APOBEC3B: variants seen among roughly 807,000 people sequenced by gnomAD.
The protein encoded by APOBEC3B is DNA dC->dU-editing enzyme APOBEC-3B.
In APOBEC3B, 29 loss-of-function variants were observed where a neutral mutation model predicts 53.4. The ratio of observed to expected loss-of-function variants is 0.54; its 90% CI spans 0.40 to 0.74. The LOEUF (loss-of-function observed/expected upper bound fraction) is 0.74, where lower values mean the gene tolerates loss of function less well. Among genes scored for constraint, APOBEC3B ranks in the 30% least tolerant of loss-of-function variants. APOBEC3B has a pLI of 0.00. For missense variants in APOBEC3B, 347 were observed against 496.2 expected (o/e 0.70, Z 2.86); for synonymous variants, 132 against 184.8 (o/e 0.71, Z 2.32).
Position 38,992,709 on chromosome 22 carries a change from G to T in APOBEC3B, c.*264G>T. On this transcript the variant is annotated 3_prime_UTR_variant, in exon 8 of 8. Transcript: ENST00000333467. ...GAATAGTTTTCAATGTATTAATGAA[G>T]TGATTAATTGGCTCCATATTTAGAC... is the stretch of plus-strand genomic sequence containing the variant. The T allele has an allele frequency of 5.3e-6, 5 of 938,428 alleles. No homozygotes were observed. The highest frequency in any genetic ancestry group is 1.8e-5 in the South Asian group (1 of 54,738). 58.1% of individuals were successfully genotyped at this position (938,428 alleles called of 1,614,324 possible). A position where few individuals can be genotyped will look rare whatever the true frequency, so the allele number is the denominator to read the frequency against.
chr22:38,987,036 GC>G (rs1923770174), intron 4 of APOBEC3B, among the ~76,000 whole-genome samples: 1 of 148,822 alleles, frequency 6.7e-6, no homozygotes, highest in Non-Finnish European at 1.5e-5. Flanking sequence ...AGTGAGGCTT[GC>G]ACTCAGATGG....
Position 38,982,466 on chromosome 22 carries a change from A to C in APOBEC3B, c.13A>C (p.Ile5Leu). 6.3e-6 allele frequency: 10 copies of C among 1,593,472 alleles called. 1 individual carries two copies. Among genetic ancestry groups the C allele is most frequent in the Non-Finnish European group, 8.5e-6 (10 of 1,172,560 alleles). The change falls in exon 1 of 8, where the codon ATC becomes CTC. Residue 5 changes from isoleucine (I) to leucine (L), a missense_variant. Ile to Leu is a conservative substitution (Grantham distance 5, BLOSUM62 2). This residue lies in a region of APOBEC3B where 73 missense variants were observed against 90.9 expected (regional missense o/e 0.80). Coordinates refer to ENST00000333467, the MANE Select transcript of APOBEC3B (RefSeq NM_004900.5). The part of the protein sequence containing the change: MNPQ[I>L]RNPMERMYRD... Reference sequence around the variant, plus strand: ...TAAGAGGCTGAACATGAATCCACAGATCAGGTACCGCTGCCCACTCTGCCT... The same window carrying C: ...TAAGAGGCTGAACATGAATCCACAGCTCAGGTACCGCTGCCCACTCTGCCT...
Position 38,982,389 on chromosome 22 carries a change from G to A in APOBEC3B, c.-65G>A, listed in dbSNP as rs1315379584. On this transcript the variant is annotated 5_prime_UTR_variant, in exon 1 of 8. Coordinates refer to ENST00000333467, the MANE Select transcript of APOBEC3B (RefSeq NM_004900.5). ...CCAACTGCAAGGACGCTGTAAGCAG[G>A]AAGTGAAACCACAGAGCTTCAAAAA... is the stretch of plus-strand genomic sequence containing the variant. 3 of 1,584,162 alleles carry A rather than the reference G, an allele frequency of 1.9e-6. No individual in the cohort carries two copies. Among genetic ancestry groups the A allele is most frequent in the East Asian group, 5.0e-5 (2 of 40,054 alleles).
intron 1 of APOBEC3B, among the ~76,000 whole-genome samples, chr22:38,982,820 T>C (rs1157060788): frequency 1.3e-5 from 2 of 148,856 alleles, no homozygotes; most frequent in East Asian, 2.2e-4. Context: ...CAAAGGGTAA[T>C]TGGAGCAATC....
chr22:38,986,203 T>C lies in APOBEC3B; in HGVS notation c.455-95T>C, dbSNP rs1309288612. On this transcript the variant is annotated intron_variant, in intron 3 of 7. Transcript: ENST00000333467. ...CCAGGGCAGCCTGCAGGGGTGGGAC[T>C]GGCACTGACTGCAACTGACAGCCAG... The C allele has an allele frequency of 3.8e-6, 6 of 1,582,810 alleles. 1 individual carries two copies. The highest frequency in any genetic ancestry group is 2.3e-5 in the South Asian group (2 of 86,270).
chr22:38,989,458 T>G lies in APOBEC3B; in HGVS notation c.571T>G (p.Tyr191Asp). The stretch of plus-strand genomic sequence containing the variant: ...GGTTTCCCCTGTCTTTGTCCACAGA[T>G]ACCTGATGGATCCAGACACATTCAC... ...LHRTLKEILR[Y>D]LMDPDTFTFN... The change falls in exon 5 of 8, where the codon TAC becomes GAC. Residue 191 changes from tyrosine to aspartate, a missense_variant and splice_region_variant. Around this residue, in one of 5 missense-constraint regions of APOBEC3B, gnomAD observed 156 missense variants for 166.7 expected, o/e 0.94. Coordinates refer to ENST00000333467, the MANE Select transcript of APOBEC3B (RefSeq NM_004900.5). 1.3e-6 allele frequency: 2 copies of G among 1,565,694 alleles called. 1 individual carries two copies. Among genetic ancestry groups the G allele is most frequent in the Non-Finnish European group, 1.7e-6 (2 of 1,151,848 alleles).
In APOBEC3B at chr22:38,992,705, T is replaced by G; in HGVS notation, c.*260T>G. On this transcript the variant is annotated 3_prime_UTR_variant, in exon 8 of 8. Coordinates refer to ENST00000333467, the MANE Select transcript of APOBEC3B (RefSeq NM_004900.5). Reference sequence around the variant, plus strand: ...CCCAGAATAGTTTTCAATGTATTAATGAAGTGATTAATTGGCTCCATATTT... The same window carrying G: ...CCCAGAATAGTTTTCAATGTATTAAGGAAGTGATTAATTGGCTCCATATTT... 1 of 1,008,562 alleles carries G rather than the reference T, an allele frequency of 9.9e-7. No homozygotes were observed. The highest frequency in any genetic ancestry group is 1.4e-6 in the Non-Finnish European group (1 of 702,068). The allele number at this position is 1,008,562 out of a possible 1,614,324, so 62.5% of individuals were successfully genotyped here.
chr22:38,985,981 C>A lies in APOBEC3B; in HGVS notation c.344C>A (p.Thr115Asn). ...AEFLSEHPNVTLTISAARLYY... is the reference protein window; with the variant it reads ...AEFLSEHPNVNLTISAARLYY... ...TTCCTGTCTGAGCACCCCAATGTCA[C>A]CCTGACCATCTCTGCCGCCCGCCTC... The change falls in exon 3 of 8, where the codon ACC becomes AAC. Residue 115 changes from threonine to asparagine, a missense_variant. Thr to Asn is a moderately conservative substitution (Grantham distance 65, BLOSUM62 0). This residue lies in a region of APOBEC3B where 156 missense variants were observed against 166.7 expected (regional missense o/e 0.94). Coordinates refer to ENST00000333467, the MANE Select transcript of APOBEC3B (RefSeq NM_004900.5). The A allele has an allele frequency of 6.3e-7, 1 of 1,596,728 alleles. No individual in the cohort carries two copies. The highest frequency in any genetic ancestry group is 8.5e-7 in the Non-Finnish European group (1 of 1,173,832).
At position 38,986,285 on chromosome 22, in the gene APOBEC3B, T is replaced by C; in HGVS notation, c.455-13T>C. The stretch of plus-strand genomic sequence containing the variant: ...AGGGGAGAGCCTGACTGCTTCCCGC[T>C]TCTTCATCTCAGAATTTGCATACTG... On this transcript the variant is annotated splice_polypyrimidine_tract_variant and intron_variant, in intron 3 of 7. Transcript: ENST00000333467. 5 of 1,592,396 alleles carry C rather than the reference T, an allele frequency of 3.1e-6. No individual in the cohort carries two copies. The highest frequency in any genetic ancestry group is 4.3e-6 in the Non-Finnish European group (5 of 1,171,592).
chr22:38,988,681 TTC>T (rs58110435), intron 4 of APOBEC3B, among the ~76,000 whole-genome samples: 4 of 63,626 alleles, frequency 6.3e-5, no homozygotes, highest in East Asian at 1.0e-3. Context: ...CTTTCTCTCT[TTC>T]TCTTTCTTTC....
chr22:38,992,094 A>T lies in APOBEC3B; in HGVS notation c.1079A>T (p.Asp360Val). The change falls in exon 7 of 8, where the codon GAT becomes GTT. Residue 360 changes from aspartate (D) to valine (V), a missense_variant. By Grantham distance (152) the Asp-to-Val change is radical (BLOSUM62 -3). Around this residue, in one of 5 missense-constraint regions of APOBEC3B, gnomAD observed 78 missense variants for 103.9 expected, o/e 0.75. Coordinates refer to ENST00000333467, the MANE Select transcript of APOBEC3B (RefSeq NM_004900.5). ...YRQGCPFQPW[D>V]GLEEHSQALS... Reference sequence around the variant, plus strand: ...CAGGGATGTCCCTTCCAGCCCTGGGATGGACTAGAGGAGCACAGCCAAGCC... The same window carrying T: ...CAGGGATGTCCCTTCCAGCCCTGGGTTGGACTAGAGGAGCACAGCCAAGCC... The T allele has an allele frequency of 6.3e-7, 1 of 1,592,302 alleles. No individual in the cohort carries two copies.
rs1487165687 is a variant in APOBEC3B at position 38,983,145 on chromosome 22, C to T, written c.17+675C>T. On this transcript the variant is annotated intron_variant, in intron 1 of 7. Transcript: ENST00000333467. ...CAACCTGGCCCATATGGTGAAACCCCGTCTCTACTAAAAAACATACAAAAA... is the reference window on the plus strand; with the variant it reads ...CAACCTGGCCCATATGGTGAAACCCTGTCTCTACTAAAAAACATACAAAAA... Among the ~76,000 whole-genome samples, 23 of 147,698 alleles carry T rather than the reference C, an allele frequency of 1.6e-4. 2 individuals are homozygous for T. The highest frequency in any genetic ancestry group is 3.7e-4 in the African/African-American group (15 of 40,592).
chr22:38,988,748 C>CTTTCTTTCTTTCTTTCTTT lies in APOBEC3B; in HGVS notation c.570-709_570-708insTTTCTTTCTTTCTTTCTTT, dbSNP rs1317657637. 6.5e-4 allele frequency among the ~76,000 whole-genome samples: 43 copies of CTTTCTTTCTTTCTTTCTTT among 65,906 alleles called. 6 individuals are homozygous for CTTTCTTTCTTTCTTTCTTT. In the South Asian group the frequency reaches 7.8e-3, roughly 12 times the overall value. The allele number at this position is 65,906 out of a possible 152,430, so 43.2% of individuals were successfully genotyped here. ...TTCTTTCTTTCTTTCTTTCTTTCTT[C>CTTTCTTTCTTTCTTTCTTT]CTTTCTTCTCTCTCGTCTTTCTTCT... On this transcript the variant is annotated intron_variant, in intron 4 of 7. Transcript: ENST00000333467.
At position 38,991,786 on chromosome 22, in the gene APOBEC3B, T is replaced by C. The variant is rs565088477; in HGVS notation, c.1018+160T>C. Among the ~76,000 whole-genome samples, 5 of 147,388 alleles carry C rather than the reference T, an allele frequency of 3.4e-5. 2 individuals carry two copies. In the South Asian group the frequency reaches 1.1e-3, roughly 33 times the overall value. On this transcript the variant is annotated intron_variant, in intron 6 of 7. Transcript: ENST00000333467. ...GGAAGAGAGAGGCCAGGCCAGGAGA[T>C]ATGGGCCCGGGGAGGGTGGCTGGAA...
rs896815643 is a variant in APOBEC3B, at chr22:38,984,590, G to A, written c.174+359G>A. On this transcript the variant is annotated intron_variant, in intron 2 of 7. Coordinates refer to ENST00000333467, the MANE Select transcript of APOBEC3B (RefSeq NM_004900.5). ...AGTTATAATGGTTCTGGAAAGGAGA[G>A]ACAGTAAAGGAATTTGTCTTTTTTT... Among the ~76,000 whole-genome samples the A allele has an allele frequency of 4.0e-5, 6 of 148,668 alleles. 1 individual carries two copies. The highest frequency in any genetic ancestry group is 6.9e-5 in the Admixed American group (1 of 14,440).
intron 4 of APOBEC3B, 72 bp downstream of exon 4, chr22:38,986,484 T>C: frequency 6.6e-7 from 1 of 1,520,224 alleles, no homozygotes; most frequent in Non-Finnish European, 8.9e-7. Flanking sequence ...TCCGTTGGCC[T>C]GGCCCTCCCG....
intron 4 of APOBEC3B, among the ~76,000 whole-genome samples, chr22:38,988,343 C>A (rs1192146898): frequency 6.7e-6 from 1 of 148,582 alleles, no homozygotes; most frequent in Non-Finnish European, 1.5e-5. Flanking sequence ...ATGCTGTGCC[C>A]CAGCCAGTGA....
chr22:38,988,687 T>TTTCTCTCTC (rs1491021212), intron 4 of APOBEC3B, among the ~76,000 whole-genome samples: 84 of 45,190 alleles, frequency 1.9e-3, no homozygotes, highest in African/African-American at 6.4e-3. Flanking sequence ...CTCTTTCTCT[T>TTTCTCTCTC]TCTTTCTTTC....
chr22:38,989,309 G>C lies in APOBEC3B; in HGVS notation c.570-148G>C. 4.6e-6 allele frequency: 3 copies of C among 658,928 alleles called. No individual in the cohort carries two copies. In the South Asian group the frequency reaches 7.9e-5, roughly 17 times the overall value. 40.8% of individuals were successfully genotyped at this position (658,928 alleles called of 1,614,324 possible). On this transcript the variant is annotated intron_variant, in intron 4 of 7. Transcript: ENST00000333467. The stretch of plus-strand genomic sequence containing the variant: ...AAGGGGTCAGAGAGAGAGGATCAGT[G>C]GCCCCCACAAAGGGAGTGGAAGCGC...
Sources: allele counts gnomAD v4.1 joint callset (sites outside exome capture counted in the v4.1 genomes callset), GRCh38; gene constraint gnomAD v4.1.1; regional missense constraint gnomAD v4.1.1; transcripts MANE v1.5; gene names NCBI Gene and HGNC (gene_info 2026-07-23, HGNC 2026-07-21).